SPATA6L: variants seen among roughly 807,000 people sequenced by gnomAD.
The protein encoded by SPATA6L is spermatogenesis associated 6-like protein.
In SPATA6L, 68 loss-of-function variants were observed where a neutral mutation model predicts 49.2. The observed-to-expected ratio is 1.38, with a 90% CI of 1.14 to 1.69. The LOEUF is 1.69. Among genes scored for constraint, SPATA6L ranks in the 40% most tolerant of loss-of-function variants. The pLI, the probability that SPATA6L is intolerant of heterozygous loss-of-function variation, is 0.00. For synonymous variants in SPATA6L, 198 were observed against 165.7 expected (o/e 1.19, Z -1.50); for missense variants, 668 against 464.3 (o/e 1.44, Z -4.03).
chr9:4,657,600 G>C (rs1233837886), intron 2 of SPATA6L, among the ~76,000 whole-genome samples: 1 of 152,066 alleles, frequency 6.6e-6, no homozygotes, highest in East Asian at 1.9e-4. Flanking sequence ...ATTTGAGCAA[G>C]GAGCGATTCA....
chr9:4,589,641 G>T (rs972607543), intron 13 of SPATA6L, among the ~76,000 whole-genome samples: 1 of 152,238 alleles, frequency 6.6e-6, no homozygotes, highest in African/African-American at 2.4e-5. Flanking sequence ...AGGGGTTTGA[G>T]ATGCTTGGGC....
intron 3 of SPATA6L, among the ~76,000 whole-genome samples, chr9:4,640,184 AAAAG>A (rs1833728731): frequency 6.6e-6 from 1 of 152,210 alleles, no homozygotes; most frequent in Admixed American, 6.5e-5. Flanking sequence ...GAGGTTAATA[AAAAG>A]AAAGCATCAA....
At chr9:4,609,134 T>G (rs1282810615) in intron 9 of SPATA6L, among the ~76,000 whole-genome samples, 1 of 151,538 alleles carries the variant, frequency 6.6e-6, no homozygotes, top group Non-Finnish European at 1.5e-5. Flanking sequence ...TAACAGGATC[T>G]GAAATTGTGG....
intron 3 of SPATA6L, among the ~76,000 whole-genome samples, chr9:4,644,183 CAAAAAAAAAAAAAAAAAAAAAAAAA>C (rs58325546): frequency 2.2e-5 from 1 of 45,668 alleles, no homozygotes; most frequent in Non-Finnish European, 4.6e-5. Context: ...GCCATCTCTG[CAAAAAAAAAAAAAAAAAAAAAAAAA>C]AAAAAAAAAA....
intron 3 of SPATA6L, among the ~76,000 whole-genome samples, chr9:4,642,461 T>C (rs1834238611): frequency 6.6e-6 from 1 of 152,212 alleles, no homozygotes; most frequent in African/African-American, 2.4e-5. Flanking sequence ...CAAAAGCACC[T>C]ATTCTTAAAT....
intron 9 of SPATA6L, 132 bp from the exon 10 acceptor site, chr9:4,605,572 A>G: frequency 1.6e-6 from 1 of 615,798 alleles, no homozygotes; most frequent in Admixed American, 2.8e-5. Context: ...TGGTAAACAT[A>G]GTGTGATTTC....
chr9:4,600,807 C>T lies in SPATA6L; in HGVS notation c.*4G>A, dbSNP rs187592657. 3.0e-4 allele frequency: 45 copies of T among 152,294 alleles called. No homozygotes were observed. Among genetic ancestry groups the T allele is most frequent in the African/African-American group, 1.0e-3 (42 of 41,560 alleles). The allele number at this position is 152,294 out of a possible 1,614,324, so 9.4% of individuals were successfully genotyped here. On this transcript the variant is annotated splice_region_variant and 3_prime_UTR_variant, in exon 12 of 12. Coordinates refer to ENST00000682582, the MANE Select transcript of SPATA6L (RefSeq NM_001353486.2). ...ATTCTCCTTAAGCTTTCATTAATTTCCCCTGCAAAATTTGAAACATCACAT... is the reference window on the plus strand; with the variant it reads ...ATTCTCCTTAAGCTTTCATTAATTTTCCCTGCAAAATTTGAAACATCACAT...
chr9:4,604,676 G>C (rs1824270711), intron 10 of SPATA6L, among the ~76,000 whole-genome samples: 1 of 152,174 alleles, frequency 6.6e-6, no homozygotes, highest in African/African-American at 2.4e-5. Flanking sequence ...TTAGTTTTAA[G>C]TGTCATCCTG....
intron 9 of SPATA6L, among the ~76,000 whole-genome samples, chr9:4,613,769 A>G (rs1027914443): frequency 5.9e-5 from 9 of 152,128 alleles, no homozygotes; most frequent in African/African-American, 2.2e-4. Context: ...TTTTTCGTAG[A>G]GACGGGGTTT....
intron 3 of SPATA6L, among the ~76,000 whole-genome samples, chr9:4,650,824 TTGTGTGTGTGTGTGTGTGTGTG>T (rs59184426): frequency 0.4 from 54,494 of 137,154 alleles, 10,704 homozygotes; most frequent in East Asian, 0.59. Flanking sequence ...CAAACCCAGC[TTGTGTGTGTGTGTGTGTGTGTG>T]TGTGTGTGTG....
intron 7 of SPATA6L, among the ~76,000 whole-genome samples, chr9:4,620,831 G>A (rs1383905693): frequency 6.6e-6 from 1 of 152,184 alleles, no homozygotes; most frequent in Admixed American, 6.5e-5. Context: ...TCCTCCCCAG[G>A]AAAGGACATT....
chr9:4,635,195 C>A, intron 4 of SPATA6L, 80 bp downstream of exon 4: 1 of 1,412,950 alleles, frequency 7.1e-7, no homozygotes, highest in Non-Finnish European at 9.3e-7. Context: ...AGATAAAGAT[C>A]AAACCCTGTC....
At chr9:4,628,892 CG>C (rs1564211409) in intron 5 of SPATA6L, 198 bp downstream of exon 5, 1 of 524,738 alleles carries the variant, frequency 1.9e-6, no homozygotes, top group African/African-American at 2.0e-5. Context: ...TGCTGCCAAA[CG>C]TATGTACCAA....
chr9:4,609,324 C>A (rs897721306), intron 9 of SPATA6L, among the ~76,000 whole-genome samples: 16 of 151,904 alleles, frequency 1.1e-4, no homozygotes, highest in Admixed American at 1.0e-3. Flanking sequence ...GATACCAAAG[C>A]CTGGCAGAGA....
intron 3 of SPATA6L, among the ~76,000 whole-genome samples, chr9:4,636,006 A>T (rs2130575697): frequency 6.6e-6 from 1 of 152,356 alleles, no homozygotes; most frequent in Non-Finnish European, 1.5e-5. Context: ...TATTCTGCAA[A>T]CATTCTTGCA....
At chr9:4,663,905 A>T (rs1387738530) in intron 1 of SPATA6L, 1 of 167,048 alleles carries the variant, frequency 6.0e-6, no homozygotes, top group Admixed American at 6.5e-5. Context: ...AAAAGAGATT[A>T]TAATACTTGT....
intron 5 of SPATA6L, chr9:4,627,426 CCTT>C (rs201555005): frequency 5.4e-6 from 1 of 186,258 alleles, no homozygotes; most frequent in African/African-American, 2.4e-5. Context: ...GATTATTGGC[CCTT>C]CTTTCTCATT....
chr9:4,613,011 T>G (rs1202152556), intron 9 of SPATA6L, among the ~76,000 whole-genome samples: 1 of 152,116 alleles, frequency 6.6e-6, no homozygotes, highest in Non-Finnish European at 1.5e-5. Flanking sequence ...GCGGATCTCT[T>G]GAGGCCAAGA....
intron 9 of SPATA6L, among the ~76,000 whole-genome samples, chr9:4,616,332 C>G (rs947182533): frequency 6.6e-6 from 1 of 152,128 alleles, no homozygotes; most frequent in Admixed American, 6.6e-5. Context: ...TGTGTGAAAT[C>G]ACCCAGCACT....
Sources: allele counts gnomAD v4.1 joint callset (sites outside exome capture counted in the v4.1 genomes callset), GRCh38; gene constraint gnomAD v4.1.1; transcripts MANE v1.5; gene names NCBI Gene and HGNC (gene_info 2026-07-23, HGNC 2026-07-21).